The following DYNC2LI1 variants were observed in gnomAD, a reference collection of about 807,000 sequenced individuals.
The protein encoded by DYNC2LI1 is cytoplasmic dynein 2 light intermediate chain 1.
In DYNC2LI1, 45 loss-of-function variants were observed where a neutral mutation model predicts 51.9. The ratio of observed to expected loss-of-function variants is 0.87; its 90% confidence interval spans 0.68 to 1.11. DYNC2LI1 has a LOEUF of 1.11. DYNC2LI1 is among the 50% of genes most tolerant of loss of function. The pLI is 0.00. For missense variants in DYNC2LI1, 490 were observed against 417.4 expected (o/e 1.17, Z -1.51); for synonymous variants, 130 against 137.8 (o/e 0.94, Z 0.40).
At chr2:43,804,804 G>A in intron 11 of DYNC2LI1, 65 bp downstream of exon 11, 1 of 934,828 alleles carries the variant, frequency 1.1e-6, no homozygotes, top group Non-Finnish European at 1.6e-6. Context: ...TAGGAAATGT[G>A]TCAAAGGGCT....
rs907396306 is a variant in DYNC2LI1 at position 43,805,750 on chromosome 2, A to G, written c.993+504A>G. Among the ~76,000 whole-genome samples the G allele has an allele frequency of 2.0e-5, 3 of 152,304 alleles. No homozygotes were observed. In the South Asian group the frequency reaches 6.2e-4, roughly 32 times the overall value. Reference sequence around the variant, plus strand: ...TGACATAACCCAGGTTCTCTCAGGAAAATGCTTAAAAGTGGACACCACCAT... The same window carrying G: ...TGACATAACCCAGGTTCTCTCAGGAGAATGCTTAAAAGTGGACACCACCAT... On this transcript the variant is annotated intron_variant, in intron 12 of 12. Coordinates refer to ENST00000260605, the MANE Select transcript of DYNC2LI1 (RefSeq NM_016008.4).
At chr2:43,813,038 G>A, downstream of DYNC2LI1, 1 of 747,950 alleles carries the variant, frequency 1.3e-6, no homozygotes, top group Non-Finnish European at 2.5e-6. Context: ...AGAAATACAT[G>A]GCACTCTCAT....
At position 43,798,024 on chromosome 2, in the gene DYNC2LI1, G is replaced by C. The variant is rs1182400256; in HGVS notation, c.654+1229G>C. ...CACCAGTTGTCTCAGCTACTTGGGA[G>C]GCTGAGGTGGGAGGATCACATGAGC... On this transcript the variant is annotated intron_variant, in intron 8 of 12. Transcript: ENST00000260605. Among the ~76,000 whole-genome samples the C allele has an allele frequency of 2.6e-5, 4 of 152,078 alleles. No individual in the cohort carries two copies. In the East Asian group the frequency reaches 7.7e-4, roughly 29 times the overall value.
At chr2:43,792,529 A>G in intron 5 of DYNC2LI1, 2 of 638,306 alleles carry the variant, frequency 3.1e-6, no homozygotes, top group Non-Finnish European at 4.7e-6. Context: ...TAAAATATAC[A>G]TAGCGTAAAA....
chr2:43,794,434 GA>G, intron 5 of DYNC2LI1, 22 bp from the exon 6 acceptor site: 1 of 1,575,400 alleles, frequency 6.3e-7, no homozygotes, highest in Non-Finnish European at 8.6e-7. Context: ...AGTCTTTTTT[GA>G]AAAGTGTTTT....
At chr2:43,778,346 G>A (rs952024507) in intron 2 of DYNC2LI1, among the ~76,000 whole-genome samples, 2 of 152,018 alleles carry the variant, frequency 1.3e-5, no homozygotes, top group South Asian at 4.1e-4. Flanking sequence ...TAGAGATGGG[G>A]TTTCACTGCG....
At chr2:43,814,389 C>G, downstream of DYNC2LI1, 1 of 833,952 alleles carries the variant, frequency 1.2e-6, no homozygotes, top group Non-Finnish European at 2.0e-6. Context: ...TTATAAAACA[C>G]AGTTTTTATT....
intron 1 of DYNC2LI1, 80 bp downstream of exon 1, chr2:43,774,226 T>A: frequency 1.3e-6 from 2 of 1,584,082 alleles, no homozygotes; most frequent in South Asian, 1.1e-5. Context: ...GGACCAGCTG[T>A]TGGAAGATTG....
At chr2:43,784,442 T>C (rs1372262130) in intron 3 of DYNC2LI1, among the ~76,000 whole-genome samples, 1 of 152,104 alleles carries the variant, frequency 6.6e-6, no homozygotes, top group African/African-American at 2.4e-5. Flanking sequence ...ATTTCTTTCT[T>C]TCTTTTTTTT....
At chr2:43,823,583 C>T in the DYNC2LI1 span, among the ~76,000 whole-genome samples, 3 of 152,100 alleles carry the variant, frequency 2.0e-5, no homozygotes, top group South Asian at 6.2e-4. Context: ...TTGGCCTGGT[C>T]GCTGAGCACC....
chr2:43,794,739 T>G (rs1184766851), intron 6 of DYNC2LI1, 96 bp downstream of exon 6: 1 of 1,596,852 alleles, frequency 6.3e-7, no homozygotes. Context: ...TATGCATGAC[T>G]TGAAATTCAT....
At chr2:43,778,135 C>G (rs930563073) in intron 2 of DYNC2LI1, among the ~76,000 whole-genome samples, 1 of 151,824 alleles carries the variant, frequency 6.6e-6, no homozygotes, top group Non-Finnish European at 1.5e-5. Context: ...AAATTTTAAC[C>G]CAACTATATA....
the DYNC2LI1 span, chr2:43,823,784 G>A: frequency 9.3e-7 from 1 of 1,073,844 alleles, no homozygotes; most frequent in Non-Finnish European, 1.3e-6. Context: ...TCCCCAGAGA[G>A]GGAACCTGGA....
At chr2:43,792,708 C>G (rs1286812723) in intron 5 of DYNC2LI1, 1 of 1,548,790 alleles carries the variant, frequency 6.5e-7, no homozygotes, top group African/African-American at 1.4e-5. Flanking sequence ...CTGCCTGTCT[C>G]TATGAATTTG....
chr2:43,783,518 A>C lies in DYNC2LI1; in HGVS notation c.127-2A>C, dbSNP rs148986857. The C allele has an allele frequency of 2.0e-6, 3 of 1,531,342 alleles. No individual in the cohort carries two copies. The African/African-American group carries it at 4.3e-5, about 22-fold the overall frequency. 94.9% of individuals were successfully genotyped at this position (1,531,342 alleles called of 1,614,324 possible). On this transcript the variant is annotated splice_acceptor_variant, in intron 2 of 12. Coordinates refer to ENST00000260605, the MANE Select transcript of DYNC2LI1 (RefSeq NM_016008.4). LOFTEE classifies it high-confidence loss of function. ...CAGTGTTCCTTCTTTTTTAATTTCC[A>C]GGGAAAGACTACTATTATTCTAAGG... is the stretch of plus-strand genomic sequence containing the variant.
downstream of DYNC2LI1, chr2:43,813,388 C>G (rs529740762): frequency 4.0e-6 from 4 of 996,762 alleles, no homozygotes; most frequent in East Asian, 1.0e-4. Context: ...CAAGCGCTTG[C>G]TAAGTACCCT....
At chr2:43,800,220 C>T (rs1316217240) in intron 8 of DYNC2LI1, among the ~76,000 whole-genome samples, 1 of 152,180 alleles carries the variant, frequency 6.6e-6, no homozygotes, top group East Asian at 1.9e-4. Flanking sequence ...TAATAGTACC[C>T]AACCCCTTTC....
At chr2:43,808,132 C>A (rs1267652644) in intron 12 of DYNC2LI1, among the ~76,000 whole-genome samples, 1 of 151,988 alleles carries the variant, frequency 6.6e-6, no homozygotes, top group Non-Finnish European at 1.5e-5. Context: ...ATGAGTTAAT[C>A]TTTAAAACCG....
At chr2:43,777,853 A>G (rs886233138) in intron 2 of DYNC2LI1, among the ~76,000 whole-genome samples, 1 of 152,220 alleles carries the variant, frequency 6.6e-6, no homozygotes, top group African/African-American at 2.4e-5. Flanking sequence ...ATACCTGTAC[A>G]ACCATGAAAA....
Sources: allele counts gnomAD v4.1 joint callset (sites outside exome capture counted in the v4.1 genomes callset), GRCh38; gene constraint gnomAD v4.1.1; transcripts MANE v1.5; gene names NCBI Gene and HGNC (gene_info 2026-07-23, HGNC 2026-07-21).